Variants in SPAG16 observed in about 807,000 individuals in gnomAD.
SPAG16 encodes sperm associated antigen 16.
In SPAG16, 86 loss-of-function variants were observed where a neutral mutation model predicts 80.4. The observed-to-expected ratio is 1.07, with a 90% CI of 0.90 to 1.28. The LOEUF is 1.28. Ranked by LOEUF, SPAG16 falls within the 50% of genes most tolerant of loss-of-function variation. The probability of loss-of-function intolerance (pLI) is 0.00; values close to 1 mark genes in which losing one functional copy is unlikely to be tolerated. For missense variants in SPAG16, 870 were observed against 765.3 expected, an observed-to-expected ratio of 1.14 and a Z score of -1.61; for synonymous variants, 294 against 265.9, an observed-to-expected ratio of 1.11 and a Z score of -1.03.
chr2:214,170,482 G>GTGA (rs1296598476), intron 15 of SPAG16, among the ~76,000 whole-genome samples: 1 of 152,000 alleles, frequency 6.6e-6, no homozygotes, highest in African/African-American at 2.4e-5. Flanking sequence ...ATCCCTTGAA[G>GTGA]TTCAATAGCT....
chr2:213,348,473 C>T (rs1367391093), intron 6 of SPAG16, among the ~76,000 whole-genome samples: 3 of 152,034 alleles, frequency 2.0e-5, no homozygotes, highest in South Asian at 2.1e-4. Context: ...TTCCTAGCCT[C>T]GATGGTCTTT....
chr2:214,331,371 A>C (rs948503408), intron 15 of SPAG16, among the ~76,000 whole-genome samples: 4 of 152,208 alleles, frequency 2.6e-5, no homozygotes, highest in Non-Finnish European at 5.9e-5. Context: ...GGCCGTTGGC[A>C]TGATGAGCCT....
intron 10 of SPAG16, among the ~76,000 whole-genome samples, chr2:213,830,053 A>G (rs1215589224): frequency 6.6e-6 from 1 of 152,114 alleles, no homozygotes; most frequent in Non-Finnish European, 1.5e-5. Context: ...CACTGGCTCC[A>G]TTGCCAGCAC....
At chr2:213,895,903 G>A (rs1284800641) in intron 11 of SPAG16, among the ~76,000 whole-genome samples, 5 of 150,942 alleles carry the variant, frequency 3.3e-5, no homozygotes, top group Admixed American at 2.6e-4. Flanking sequence ...AAAAGCACAG[G>A]CAACTAAAGC....
intron 9 of SPAG16, among the ~76,000 whole-genome samples, chr2:213,482,638 A>G (rs2073804949): frequency 6.6e-6 from 1 of 152,152 alleles, no homozygotes; most frequent in Non-Finnish European, 1.5e-5. Context: ...TGTTCTTCTT[A>G]GGTAATTATA....
At chr2:213,951,703 A>G (rs189764252) in intron 12 of SPAG16, among the ~76,000 whole-genome samples, 78 of 152,318 alleles carry the variant, frequency 5.1e-4, no homozygotes, top group Admixed American at 1.2e-3. Context: ...AGAAAGGATA[A>G]ACATTGAGGA....
At chr2:214,239,558 CATCTT>C (rs1284576577) in intron 15 of SPAG16, 30 of 152,156 alleles carry the variant, frequency 2.0e-4, no homozygotes, top group African/African-American at 6.0e-4. Context: ...TGTAAACACT[CATCTT>C]AAAGTATGTA....
chr2:213,768,568 T>A (rs934355468), intron 10 of SPAG16, among the ~76,000 whole-genome samples: 2 of 152,154 alleles, frequency 1.3e-5, no homozygotes, highest in Non-Finnish European at 1.5e-5. Context: ...GATCTAAATT[T>A]TGAATTTGGA....
chr2:213,926,662 G>A (rs918096741), intron 11 of SPAG16, among the ~76,000 whole-genome samples: 17 of 151,004 alleles, frequency 1.1e-4, no homozygotes, highest in African/African-American at 3.6e-4. Flanking sequence ...ATAACCTTAC[G>A]TCGTTTGATC....
intron 12 of SPAG16, among the ~76,000 whole-genome samples, chr2:213,997,234 T>C (rs2046566001): frequency 3.3e-5 from 5 of 152,074 alleles, no homozygotes; most frequent in Admixed American, 3.3e-4. Flanking sequence ...TATTAAAGAG[T>C]AAGAAGAAAA....
At chr2:213,795,029 T>G (rs1202271887) in intron 10 of SPAG16, among the ~76,000 whole-genome samples, 1 of 152,144 alleles carries the variant, frequency 6.6e-6, no homozygotes, top group Non-Finnish European at 1.5e-5. Context: ...GATGAAAGAC[T>G]CTGAAGATAA....
At chr2:214,210,575 G>A (rs756401679) in intron 15 of SPAG16, among the ~76,000 whole-genome samples, 21 of 151,984 alleles carry the variant, frequency 1.4e-4, no homozygotes, top group Non-Finnish European at 2.1e-4. Context: ...GATCAATTGT[G>A]TTTGGTAATA....
rs111639413 is a variant in SPAG16, at chr2:213,749,240, A to G, written c.1071-113245A>G. Among the ~76,000 whole-genome samples, 13 of 152,226 alleles carry G rather than the reference A, an allele frequency of 8.5e-5. 1 individual carries two copies. The highest frequency in any genetic ancestry group is 2.4e-4 in the African/African-American group (10 of 41,572). On this transcript the variant is annotated intron_variant, in intron 10 of 15. Coordinates refer to ENST00000331683, the MANE Select transcript of SPAG16 (RefSeq NM_024532.5). Reference sequence around the variant, plus strand: ...ATTTTCTACTTTTTCTTCTTTTGCTATTATATTTATATTTATGTTTAATGG... The same window carrying G: ...ATTTTCTACTTTTTCTTCTTTTGCTGTTATATTTATATTTATGTTTAATGG...
chr2:214,074,848 C>T (rs533816983), intron 13 of SPAG16, among the ~76,000 whole-genome samples: 62 of 152,162 alleles, frequency 4.1e-4, no homozygotes, highest in African/African-American at 1.4e-3. Context: ...CCACTATAAA[C>T]GCAATAAAAT....
chr2:214,304,720 T>C (rs574444617), intron 15 of SPAG16, among the ~76,000 whole-genome samples: 2 of 152,300 alleles, frequency 1.3e-5, no homozygotes, highest in East Asian at 3.9e-4. Flanking sequence ...CGGCATGTTA[T>C]GGCTGCATAG....
chr2:213,361,545 G>T (rs1174872219), intron 7 of SPAG16, among the ~76,000 whole-genome samples: 1 of 151,478 alleles, frequency 6.6e-6, no homozygotes. Context: ...AAAGGAAACA[G>T]GGTTCTTTGG....
intron 15 of SPAG16, among the ~76,000 whole-genome samples, chr2:214,307,073 G>T (rs931683555): frequency 1.3e-5 from 2 of 152,000 alleles, no homozygotes; most frequent in Admixed American, 6.6e-5. Context: ...CTCATTATTG[G>T]TCTGTTCAGG....
At chr2:214,175,265 ATGTATATATATAAAGAAATG>A (rs2057034445) in intron 15 of SPAG16, among the ~76,000 whole-genome samples, 1 of 146,480 alleles carries the variant, frequency 6.8e-6, no homozygotes. Context: ...ATATAAAGAA[ATGTATATATATAAAGAAATG>A]TGTATATATA....
chr2:213,980,203 TA>T (rs1177727787), intron 12 of SPAG16, among the ~76,000 whole-genome samples: 4 of 139,460 alleles, frequency 2.9e-5, no homozygotes, highest in African/African-American at 1.1e-4. Flanking sequence ...ATTTTATATA[TA>T]TATATAGAAT....
Sources: gnomAD v4.1 joint callset for allele counts (sites outside exome capture counted in the v4.1 genomes callset) on GRCh38, gnomAD v4.1.1 for gene constraint, MANE v1.5 for transcripts, NCBI Gene and HGNC (gene_info 2026-07-23, HGNC 2026-07-21) for gene names.